CEP120: variants seen among roughly 807,000 people sequenced by gnomAD.
CEP120 encodes the protein centrosomal protein 120, also known as centrosomal protein of 120 kDa.
Under a neutral mutation model 126.5 loss-of-function variants are expected in CEP120, and 113 were observed. That is an observed-to-expected ratio of 0.89 (90% CI 0.77 to 1.04). The LOEUF is 1.04. Among genes scored for constraint, CEP120 ranks in the 50% least tolerant of loss-of-function variants. The probability of loss-of-function intolerance (pLI) is 0.00; values close to 1 mark genes in which losing one functional copy is unlikely to be tolerated. For synonymous variants in CEP120, 400 were observed against 394.3 expected (o/e 1.01, Z -0.17); for missense variants, 1,230 against 1,155.7 (o/e 1.06, Z -0.93).
intron 1 of CEP120, among the ~76,000 whole-genome samples, chr5:123,420,298 A>G (rs755652169): frequency 6.6e-6 from 1 of 152,230 alleles, no homozygotes; most frequent in Non-Finnish European, 1.5e-5. Flanking sequence ...AAGGGAACAA[A>G]CAGATGCCTG....
chr5:123,347,654 T>C (rs1768924094), intron 19 of CEP120, among the ~76,000 whole-genome samples: 1 of 151,994 alleles, frequency 6.6e-6, no homozygotes, highest in Admixed American at 6.6e-5. Context: ...TTAGTATATT[T>C]TGTTTGTTTG....
rs1491225681 is a variant in CEP120 at position 123,386,675 on chromosome 5, TTA to T, written c.1431-10_1431-9del. On this transcript the variant is annotated splice_polypyrimidine_tract_variant and intron_variant, in intron 9 of 19. Coordinates refer to ENST00000306467, the MANE Select transcript of CEP120 (RefSeq NM_001375405.1). ...AAGAATGGATATGAGTACCTAGAAT[TTA>T]AAAAAAAAAAAAAAAAAAAAAGCCT... is the stretch of plus-strand genomic sequence containing the variant. The T allele has an allele frequency of 0.072, 49,214 of 679,596 alleles. 363 individuals carry two copies. Among genetic ancestry groups the T allele is most frequent in the Middle Eastern group, 0.085 (180 of 2,108 alleles). The allele number at this position is 679,596 out of a possible 1,614,324, so 42.1% of individuals were successfully genotyped here.
At position 123,378,329 on chromosome 5, in the gene CEP120, G is replaced by C; in HGVS notation, c.2196+7C>G. ...CTGAAAAAAAATACAATGGACGAATGACATACCTCTGATTCCACACTAGCA... is the reference window on the plus strand; with the variant it reads ...CTGAAAAAAAATACAATGGACGAATCACATACCTCTGATTCCACACTAGCA... On this transcript the variant is annotated splice_region_variant and intron_variant, in intron 15 of 19. Transcript: ENST00000306467. 6.3e-7 allele frequency: 1 copy of C among 1,580,300 alleles called. No homozygotes were observed. Among genetic ancestry groups the C allele is most frequent in the Non-Finnish European group, 8.6e-7 (1 of 1,166,018 alleles).
At chr5:123,370,037 G>C (rs1770738345) in intron 17 of CEP120, among the ~76,000 whole-genome samples, 1 of 151,948 alleles carries the variant, frequency 6.6e-6, no homozygotes, top group African/African-American at 2.4e-5. Context: ...TGAAAATTCT[G>C]AGTAGCATAC....
Position 123,391,295 on chromosome 5 carries a change from T to C in CEP120, c.853A>G (p.Ile285Val), listed in dbSNP as rs768006734. The C allele has an allele frequency of 6.8e-6, 11 of 1,614,198 alleles. No individual in the cohort carries two copies. The highest frequency in any genetic ancestry group is 9.3e-6 in the Non-Finnish European group (11 of 1,180,008). The change falls in exon 7 of 20, where the codon ATA becomes GTA. Residue 285 changes from isoleucine to valine, a missense_variant. Ile to Val is a conservative substitution (Grantham distance 29, BLOSUM62 3). Coordinates refer to ENST00000306467, the MANE Select transcript of CEP120 (RefSeq NM_001375405.1). ...TTTTTAAGTAATCCAGTTAAAGGTATTTCTGTACTTCCAAGTGACTGGTCT... is the reference window on the plus strand; with the variant it reads ...TTTTTAAGTAATCCAGTTAAAGGTACTTCTGTACTTCCAAGTGACTGGTCT... ...CGDQSLGSTE[I>V]PLTGLLKKGS...
intron 18 of CEP120, among the ~76,000 whole-genome samples, chr5:123,353,628 C>T (rs1458669257): frequency 6.6e-6 from 1 of 151,654 alleles, no homozygotes; most frequent in Non-Finnish European, 1.5e-5. Flanking sequence ...GGTCTGGAGC[C>T]TTCTTTGTGG....
intron 4 of CEP120, among the ~76,000 whole-genome samples, chr5:123,402,709 A>G (rs1035066726): frequency 6.6e-6 from 1 of 152,194 alleles, no homozygotes; most frequent in African/African-American, 2.4e-5. Flanking sequence ...CGCACCTGGC[A>G]CTGTTCAATG....
chr5:123,377,029 A>C (rs1403247804), intron 16 of CEP120, among the ~76,000 whole-genome samples: 1 of 152,092 alleles, frequency 6.6e-6, no homozygotes, highest in Non-Finnish European at 1.5e-5. Context: ...GTATGAGGAG[A>C]GGAAATAGGA....
chr5:123,357,157 A>AT (rs1310465974), intron 18 of CEP120, among the ~76,000 whole-genome samples: 2 of 152,096 alleles, frequency 1.3e-5, no homozygotes, highest in African/African-American at 2.4e-5. Flanking sequence ...CAGTCTTATC[A>AT]TTGCTCCTTT....
Position 123,422,438 on chromosome 5 carries a change from T to TA in CEP120, c.49+511dup, listed in dbSNP as rs577662055. The TA allele has an allele frequency of 9.3e-4, 1,285 of 1,383,584 alleles. 9 individuals carry two copies. In the African/African-American group the frequency reaches 0.015, roughly 16 times the overall value. 85.7% of individuals were successfully genotyped at this position (1,383,584 alleles called of 1,614,324 possible). On this transcript the variant is annotated intron_variant, in intron 1 of 19. Transcript: ENST00000306467. ...GTGTCTGACACTCAATGAGTCCCAA[T>TA]AAACCAATGTCATTCATCCAAAACA...
intron 4 of CEP120, among the ~76,000 whole-genome samples, chr5:123,406,541 A>G (rs1391273725): frequency 6.6e-6 from 1 of 151,000 alleles, no homozygotes; most frequent in Non-Finnish European, 1.5e-5. Flanking sequence ...ATTTCTCAGA[A>G]GCCATGCAAG....
At chr5:123,413,194 C>A (rs1267961013) in intron 3 of CEP120, among the ~76,000 whole-genome samples, 1 of 151,854 alleles carries the variant, frequency 6.6e-6, no homozygotes, top group Non-Finnish European at 1.5e-5. Context: ...ATTGCTTGAG[C>A]CCGATAAATC....
intron 17 of CEP120, among the ~76,000 whole-genome samples, chr5:123,366,118 T>C (rs1464054340): frequency 6.6e-6 from 1 of 151,866 alleles, no homozygotes; most frequent in African/African-American, 2.4e-5. Flanking sequence ...ACCTCATTCT[T>C]CTAATTCATT....
Position 123,379,670 on chromosome 5 carries a change from C to T in CEP120, c.2104-1242G>A, listed in dbSNP as rs564357073. Among the ~76,000 whole-genome samples, 3 of 151,948 alleles carry T rather than the reference C, an allele frequency of 2.0e-5. No homozygotes were observed. In the South Asian group the frequency reaches 6.2e-4, roughly 31 times the overall value. Reference sequence around the variant, plus strand: ...CCTACAGTATCTAGTCTAAACTCTACATAATGGATTTACGAGATCATTTAT... The same window carrying T: ...CCTACAGTATCTAGTCTAAACTCTATATAATGGATTTACGAGATCATTTAT... On this transcript the variant is annotated intron_variant, in intron 14 of 19. Coordinates refer to ENST00000306467, the MANE Select transcript of CEP120 (RefSeq NM_001375405.1).
intron 18 of CEP120, among the ~76,000 whole-genome samples, chr5:123,355,334 A>T (rs544420276): frequency 6.6e-6 from 1 of 152,260 alleles, no homozygotes; most frequent in Admixed American, 6.5e-5. Context: ...TGGTATTTCT[A>T]GTTCCAGATC....
intron 2 of CEP120, among the ~76,000 whole-genome samples, chr5:123,416,348 GTCAGGAAATCGAGACCA>G (rs1774394733): frequency 6.6e-6 from 1 of 151,998 alleles, no homozygotes; most frequent in Non-Finnish European, 1.5e-5. Flanking sequence ...AGATCACGAG[GTCAGGAAATCGAGACCA>G]TCCTGACCAA....
rs764606526 is a variant in CEP120 at position 123,416,004 on chromosome 5, C to A, written c.321+6G>T. 7.6e-6 allele frequency: 12 copies of A among 1,574,296 alleles called. No homozygotes were observed. In the South Asian group the frequency reaches 1.3e-4, roughly 18 times the overall value. On this transcript the variant is annotated splice_donor_region_variant and intron_variant, in intron 3 of 19. Coordinates refer to ENST00000306467, the MANE Select transcript of CEP120 (RefSeq NM_001375405.1). ...AATCATTAGCAAAACATCAAAAGGG[C>A]AATACCTGCTTTGTTTCTTGAGCGG...
chr5:123,401,476 C>G lies in CEP120; in HGVS notation c.464-2192G>C, dbSNP rs545385912. 3 of 1,267,324 alleles carry G rather than the reference C, an allele frequency of 2.4e-6. No individual in the cohort carries two copies. In the Admixed American group the frequency reaches 5.0e-5, roughly 21 times the overall value. The allele number at this position is 1,267,324 out of a possible 1,614,324, so 78.5% of individuals were successfully genotyped here. ...CCCCATGCTTCCCAGCCAGACTCTG[C>G]AGCTCCTCATCCTTGATCTGGTACA... On this transcript the variant is annotated intron_variant, in intron 4 of 19. Transcript: ENST00000306467.
In CEP120 at chr5:123,354,504, CATT is replaced by C. The variant is rs781053568; in HGVS notation, c.2581-4418_2581-4416del. Among the ~76,000 whole-genome samples the C allele has an allele frequency of 2.0e-5, 3 of 152,004 alleles. No individual in the cohort carries two copies. In the East Asian group the frequency reaches 5.8e-4, roughly 29 times the overall value. On this transcript the variant is annotated intron_variant, in intron 18 of 19. Coordinates refer to ENST00000306467, the MANE Select transcript of CEP120 (RefSeq NM_001375405.1). ...GGAGAGTTATGGTAAAATCTTCTAT[CATT>C]ATAGATTTACCTATTTCTCTTTTTA...
Sources: gnomAD v4.1 joint callset for allele counts (sites outside exome capture counted in the v4.1 genomes callset) on GRCh38, gnomAD v4.1.1 for gene constraint, MANE v1.5 for transcripts, NCBI Gene and HGNC (gene_info 2026-07-23, HGNC 2026-07-21) for gene names.